EFCAB7: variants seen among roughly 807,000 people sequenced by gnomAD.
The protein encoded by EFCAB7 is EF-hand calcium binding domain 7, also known as EF-hand calcium-binding domain-containing protein 7.
In EFCAB7, 66 loss-of-function variants were observed where a neutral mutation model predicts 77.1. That is an observed-to-expected ratio of 0.86 (90% CI 0.70 to 1.05). The LOEUF is 1.05. Among genes scored for constraint, EFCAB7 ranks in the 50% least tolerant of loss-of-function variants. The pLI, the probability that EFCAB7 is intolerant of heterozygous loss-of-function variation, is 0.00. For missense variants in EFCAB7, 638 were observed against 730.5 expected, an observed-to-expected ratio of 0.87 and a Z score of 1.46; for synonymous variants, 225 against 243.3, an observed-to-expected ratio of 0.92 and a Z score of 0.70.
chr1:63,580,534 TC>T, the EFCAB7 span, among the ~76,000 whole-genome samples: 1 of 152,216 alleles, frequency 6.6e-6, no homozygotes, highest in African/African-American at 2.4e-5. Context: ...ACTGTTCTTT[TC>T]CAGAATCATC....
chr1:63,534,784 C>T (rs1438109814), intron 6 of EFCAB7, among the ~76,000 whole-genome samples: 1 of 152,072 alleles, frequency 6.6e-6, no homozygotes, highest in African/African-American at 2.4e-5. Flanking sequence ...TGACCACATA[C>T]TATAACTGCT....
chr1:63,561,783 C>T lies in EFCAB7; in HGVS notation c.1423C>T (p.Arg475Ter), dbSNP rs144850202. 40 of 1,608,420 alleles carry T rather than the reference C, an allele frequency of 2.5e-5. No homozygotes were observed. Among genetic ancestry groups the T allele is most frequent in the Non-Finnish European group, 3.3e-5 (39 of 1,176,326 alleles). ...TTTGAATCTAATGGAAGCTAATGAT[C>T]GAGAAGGAGATCCTTGTGACCTTTG... ...MDLNLMEANDREGDPCDLWVT... is the reference protein window; with the variant it reads ...MDLNLMEAND The change falls in exon 11 of 14, where the codon CGA (arginine) becomes TGA (stop). Residue 475 changes from arginine to a stop codon, truncating the protein, a stop_gained. Transcript: ENST00000371088. LOFTEE classifies it high-confidence loss of function.
downstream of EFCAB7, among the ~76,000 whole-genome samples, chr1:63,572,979 C>A (rs1647310735): frequency 6.6e-6 from 1 of 152,084 alleles, no homozygotes; most frequent in East Asian, 1.9e-4. Flanking sequence ...AAGGCAGGAA[C>A]AGGCCATTTT....
chr1:63,568,639 A>G (rs760933262), intron 12 of EFCAB7, 120 bp downstream of exon 12: 37 of 691,204 alleles, frequency 5.4e-5, no homozygotes, highest in Non-Finnish European at 8.0e-5. Context: ...TAATGTTTAT[A>G]ATGCATAATT....
the EFCAB7 span, among the ~76,000 whole-genome samples, chr1:63,585,019 G>T: frequency 1.3e-5 from 2 of 152,068 alleles, no homozygotes; most frequent in Admixed American, 1.3e-4. Context: ...GAGTAATTCT[G>T]GCCTCATAAG....
chr1:63,554,346 T>C (rs1470056919), intron 8 of EFCAB7, among the ~76,000 whole-genome samples: 1 of 151,746 alleles, frequency 6.6e-6, no homozygotes, highest in African/African-American at 2.4e-5. Flanking sequence ...CTTTCTTTTG[T>C]TTTTTTGTTT....
chr1:63,550,912 T>C (rs1646956893), intron 7 of EFCAB7: 1 of 152,158 alleles, frequency 6.6e-6, no homozygotes, highest in Non-Finnish European at 1.5e-5. Context: ...TTAACTGAGA[T>C]GGGCAGCGTT....
Position 63,534,217 on chromosome 1 carries a change from G to T in EFCAB7, c.804+1G>T. 1 of 1,610,902 alleles carries T rather than the reference G, an allele frequency of 6.2e-7. No individual in the cohort carries two copies. The highest frequency in any genetic ancestry group is 8.5e-7 in the Non-Finnish European group (1 of 1,178,364). ...GTTAATGGAGCCAAATTTAATAAAG[G>T]TATAGTATTTTAAGTTAACAGATGA... On this transcript the variant is annotated splice_donor_variant, in intron 6 of 13. Coordinates refer to ENST00000371088, the MANE Select transcript of EFCAB7 (RefSeq NM_032437.4). LOFTEE classifies it high-confidence loss of function.
chr1:63,557,281 A>G (rs776614366), intron 10 of EFCAB7, 34 bp downstream of exon 10: 6 of 1,563,756 alleles, frequency 3.8e-6, no homozygotes, highest in Admixed American at 4.3e-5. Flanking sequence ...CAGATGTATA[A>G]AAATATATAT....
chr1:63,567,754 C>G (rs1647186731), intron 11 of EFCAB7, among the ~76,000 whole-genome samples: 2 of 152,160 alleles, frequency 1.3e-5, no homozygotes, highest in African/African-American at 4.8e-5. Flanking sequence ...GGCAAAGGCT[C>G]TTTACCACAT....
At chr1:63,576,548 A>T (rs765845324), downstream of EFCAB7, among the ~76,000 whole-genome samples, 3 of 150,158 alleles carry the variant, frequency 2.0e-5, no homozygotes, top group Non-Finnish European at 3.0e-5. Flanking sequence ...GTCCAGGTGC[A>T]GTGGCTCACG....
chr1:63,577,089 G>A (rs1018880931), downstream of EFCAB7, among the ~76,000 whole-genome samples: 2 of 151,510 alleles, frequency 1.3e-5, no homozygotes, highest in African/African-American at 4.9e-5. Context: ...TGAGGTTGCA[G>A]TGAGCTGAGA....
chr1:63,532,856 A>G, intron 4 of EFCAB7, 100 bp downstream of exon 4: 1 of 904,156 alleles, frequency 1.1e-6, no homozygotes, highest in South Asian at 1.6e-5. Flanking sequence ...TACAGTGTAC[A>G]TGCAATGTTT....
At chr1:63,525,436 G>T in intron 1 of EFCAB7, 136 bp from the exon 2 acceptor site, 2 of 616,886 alleles carry the variant, frequency 3.2e-6, no homozygotes, top group South Asian at 4.0e-5. Context: ...TTAATATCTT[G>T]ATCTTTTCAT....
At position 63,555,516 on chromosome 1, in the gene EFCAB7, G is replaced by A; in HGVS notation, c.1214+1G>A. ...AATTATTCCTTACAAAGGAATTTAA[G>A]TAAGTTTTGTTTATTAATGTTAGAA... On this transcript the variant is annotated splice_donor_variant, in intron 9 of 13. Transcript: ENST00000371088. LOFTEE classifies it high-confidence loss of function. 6.2e-7 allele frequency: 1 copy of A among 1,610,242 alleles called. No homozygotes were observed. Among genetic ancestry groups the A allele is most frequent in the Non-Finnish European group, 8.5e-7 (1 of 1,177,744 alleles).
chr1:63,549,201 T>G (rs1310073746), intron 7 of EFCAB7: 3 of 342,492 alleles, frequency 8.8e-6, no homozygotes, highest in African/African-American at 6.7e-5. Flanking sequence ...ACTCACATAA[T>G]GCTTTGGAAC....
rs192390555 is a variant in EFCAB7 at position 63,537,853 on chromosome 1, A to G, written c.804+3637A>G. On this transcript the variant is annotated intron_variant, in intron 6 of 13. Transcript: ENST00000371088. ...ATGAGTTCCTCCTCTGACTAAATCT[A>G]TGGCAGATCTACTGCTTAATAATTC... is the stretch of plus-strand genomic sequence containing the variant. 3.8e-4 allele frequency among the ~76,000 whole-genome samples: 58 copies of G among 152,308 alleles called. No individual in the cohort carries two copies. In the East Asian group the frequency reaches 0.011, roughly 28 times the overall value.
At position 63,549,250 on chromosome 1, in the gene EFCAB7, A is replaced by T. The variant is rs555711888; in HGVS notation, c.947-2475A>T. The T allele has an allele frequency of 3.4e-4, 149 of 434,154 alleles. 2 individuals carry two copies. The highest frequency in any genetic ancestry group is 2.2e-3 in the South Asian group (127 of 57,244). 26.9% of individuals were successfully genotyped at this position (434,154 alleles called of 1,614,324 possible). Reference sequence around the variant, plus strand: ...AAGGTTTAATAATGATAGAATGAAGACCATAATAAAAGAGACCTCTACTTA... The same window carrying T: ...AAGGTTTAATAATGATAGAATGAAGTCCATAATAAAAGAGACCTCTACTTA... On this transcript the variant is annotated intron_variant, in intron 7 of 13. Coordinates refer to ENST00000371088, the MANE Select transcript of EFCAB7 (RefSeq NM_032437.4).
At chr1:63,538,892 C>T (rs1184695993) in intron 6 of EFCAB7, among the ~76,000 whole-genome samples, 1 of 152,186 alleles carries the variant, frequency 6.6e-6, no homozygotes, top group Non-Finnish European at 1.5e-5. Flanking sequence ...CTGTATATTA[C>T]ACTGAAGTTT....
Sources: gnomAD v4.1 joint callset for allele counts (sites outside exome capture counted in the v4.1 genomes callset) on GRCh38, gnomAD v4.1.1 for gene constraint, MANE v1.5 for transcripts, NCBI Gene and HGNC (gene_info 2026-07-23, HGNC 2026-07-21) for gene names.